PLEKHG7: variants seen among roughly 807,000 people sequenced by gnomAD.
The protein encoded by PLEKHG7 is pleckstrin homology domain-containing family G member 7.
Under a neutral mutation model 85.2 loss-of-function variants are expected in PLEKHG7, and 77 were observed. The observed-to-expected ratio is 0.90, with a 90% confidence interval of 0.75 to 1.09. The LOEUF is 1.09. PLEKHG7 is among the 50% of genes least tolerant of loss of function. The pLI is 0.00. For synonymous variants in PLEKHG7, 301 were observed against 302.4 expected (o/e 1.00, Z 0.05); for missense variants, 777 against 804.3 (o/e 0.97, Z 0.41).
chr12:92,704,334 T>G (rs1364858766), intron 1 of PLEKHG7, among the ~76,000 whole-genome samples: 1 of 152,158 alleles, frequency 6.6e-6, no homozygotes, highest in African/African-American at 2.4e-5. Context: ...GTTGGGAGAA[T>G]GAGGAACTGG....
chr12:92,751,777 C>T (rs1872696959), intron 10 of PLEKHG7, among the ~76,000 whole-genome samples: 1 of 152,062 alleles, frequency 6.6e-6, no homozygotes, highest in South Asian at 2.1e-4. Flanking sequence ...AATCCCAGCA[C>T]TTTGGGAGGT....
rs1233480943 is a variant in PLEKHG7, at chr12:92,706,850, C to G, written c.219C>G (p.Ser73Arg). 2 of 1,613,900 alleles carry G rather than the reference C, an allele frequency of 1.2e-6. No homozygotes were observed. The highest frequency in any genetic ancestry group is 4.5e-5 in the East Asian group (2 of 44,884). Residue 73 changes from serine to arginine, a missense_variant, in exon 2 of 17, where the codon AGC becomes AGG. Ser to Arg is a moderately radical substitution (Grantham distance 110). Coordinates refer to ENST00000344636, the MANE Select transcript of PLEKHG7 (RefSeq NM_001377329.1). ...CCTGGCAGGTGACCACCTGGGGAAG[C>G]TGGGGAGCTCCTGTGGGCTTCCCAT... ...QDAWQVTTWG[S>R]WGAPVGFPCY...
At chr12:92,761,641 A>AGGAAGAAAGAAC in intron 13 of PLEKHG7, 111 bp from the exon 14 acceptor site, 1 of 759,128 alleles carries the variant, frequency 1.3e-6, no homozygotes, top group Non-Finnish European at 1.8e-6. Context: ...AAAGAAAGAA[A>AGGAAGAAAGAAC]GAAAGAAAGA....
intron 3 of PLEKHG7, among the ~76,000 whole-genome samples, chr12:92,720,212 G>A (rs529992059): frequency 2.0e-5 from 3 of 152,256 alleles, no homozygotes; most frequent in South Asian, 2.1e-4. Flanking sequence ...GAGGACTTTC[G>A]CTTGCTTTTT....
At chr12:92,748,864 A>G (rs1364368875) in intron 10 of PLEKHG7, among the ~76,000 whole-genome samples, 1 of 152,254 alleles carries the variant, frequency 6.6e-6, no homozygotes, top group Non-Finnish European at 1.5e-5. Context: ...CAGATACCCA[A>G]GGTGACTAGT....
chr12:92,755,220 C>A lies in PLEKHG7; in HGVS notation c.1427-605C>A, dbSNP rs190727345. Among the ~76,000 whole-genome samples the A allele has an allele frequency of 6.9e-4, 105 of 152,260 alleles. 1 individual carries two copies. Among genetic ancestry groups the A allele is most frequent in the African/African-American group, 2.4e-3 (101 of 41,560 alleles). On this transcript the variant is annotated intron_variant, in intron 11 of 16. Transcript: ENST00000344636. ...GAGGGAAGAGATTTGTGTGGCCTCC[C>A]TTTATGTCTATTACCTTAAAGATGG...
At chr12:92,751,959 G>A (rs1872702957) in intron 10 of PLEKHG7, among the ~76,000 whole-genome samples, 2 of 151,872 alleles carry the variant, frequency 1.3e-5, no homozygotes, top group Admixed American at 1.3e-4. Flanking sequence ...CAAGGCTGCA[G>A]TGAGCCATGA....
At chr12:92,749,882 T>TTTA (rs1872637075) in intron 10 of PLEKHG7, among the ~76,000 whole-genome samples, 1 of 143,316 alleles carries the variant, frequency 7.0e-6, no homozygotes, top group South Asian at 2.1e-4. Context: ...TTTATTTTAT[T>TTTA]TTTTATTTTA....
intron 15 of PLEKHG7, among the ~76,000 whole-genome samples, chr12:92,768,619 ATT>A (rs1475268028): frequency 3.9e-5 from 6 of 152,132 alleles, no homozygotes; most frequent in South Asian, 4.1e-4. Context: ...AAAATATTAT[ATT>A]GTTTTGTATA....
In PLEKHG7 at chr12:92,737,532, G is replaced by A. The variant is rs201069382; in HGVS notation, c.939+11G>A. On this transcript the variant is annotated intron_variant, in intron 7 of 16. Coordinates refer to ENST00000344636, the MANE Select transcript of PLEKHG7 (RefSeq NM_001377329.1). ...TTAGTTCTTAAGATGGTAATGCCAG[G>A]CTTAATTTTTGTAGTAGATGGAAAA... The A allele has an allele frequency of 6.2e-7, 1 of 1,605,412 alleles. No individual in the cohort carries two copies. Among genetic ancestry groups the A allele is most frequent in the Non-Finnish European group, 8.5e-7 (1 of 1,177,826 alleles).
intron 3 of PLEKHG7, among the ~76,000 whole-genome samples, chr12:92,725,407 AT>A (rs979577972): frequency 9.8e-5 from 15 of 152,286 alleles, no homozygotes; most frequent in African/African-American, 3.4e-4. Context: ...TCAGACTTAA[AT>A]TTTAGATAAC....
intron 16 of PLEKHG7, 56 bp downstream of exon 16, chr12:92,769,136 C>G (rs990937861): frequency 2.8e-5 from 36 of 1,302,412 alleles, no homozygotes; most frequent in East Asian, 1.2e-4. Flanking sequence ...TAAGCTCCCC[C>G]CAAGTGTCTT....
chr12:92,718,931 C>G (rs988809659), intron 3 of PLEKHG7, among the ~76,000 whole-genome samples: 1 of 152,188 alleles, frequency 6.6e-6, no homozygotes, highest in Non-Finnish European at 1.5e-5. Flanking sequence ...AGAGGCATCT[C>G]TGTTCTGTGT....
chr12:92,723,773 T>C (rs1871712499), intron 3 of PLEKHG7, among the ~76,000 whole-genome samples: 1 of 152,090 alleles, frequency 6.6e-6, no homozygotes, highest in African/African-American at 2.4e-5. Flanking sequence ...TATAGAAGCA[T>C]GGAACAGAAA....
At chr12:92,756,858 G>A (rs1181793055) in intron 13 of PLEKHG7, among the ~76,000 whole-genome samples, 1 of 152,126 alleles carries the variant, frequency 6.6e-6, no homozygotes, top group Non-Finnish European at 1.5e-5. Context: ...CCTCTAGTTG[G>A]GAAGCTCTGC....
intron 10 of PLEKHG7, among the ~76,000 whole-genome samples, chr12:92,751,442 T>C (rs1565794919): frequency 6.6e-6 from 1 of 152,206 alleles, no homozygotes; most frequent in East Asian, 1.9e-4. Flanking sequence ...CTTGGCTCAC[T>C]GCAACCTCTG....
rs1426954309 is a variant in PLEKHG7, at chr12:92,761,806, T to C, written c.1691T>C (p.Val564Ala). 1 of 1,578,270 alleles carries C rather than the reference T, an allele frequency of 6.3e-7. No homozygotes were observed. The highest frequency in any genetic ancestry group is 8.6e-7 in the Non-Finnish European group (1 of 1,167,780). ...TTTCTCTTCAATGATTTCCTCTTAG[T>C]TACGAAAACTAAGTGCAACAAAAAG... The part of the protein sequence containing the change: ...YLFLFNDFLL[V>A]TKTKCNKKKL... Residue 564 changes from valine to alanine, a missense_variant, in exon 14 of 17, where the codon GTT becomes GCT. Coordinates refer to ENST00000344636, the MANE Select transcript of PLEKHG7 (RefSeq NM_001377329.1).
intron 13 of PLEKHG7, among the ~76,000 whole-genome samples, chr12:92,758,639 C>G (rs1019113729): frequency 2.6e-5 from 4 of 152,234 alleles, no homozygotes; most frequent in Non-Finnish European, 4.4e-5. Flanking sequence ...CCAGAAAATG[C>G]TTCTTGTACA....
Position 92,741,057 on chromosome 12 carries a change from T to C in PLEKHG7, c.1035+109T>C, listed in dbSNP as rs138401512. 268 of 705,700 alleles carry C rather than the reference T, an allele frequency of 3.8e-4. 2 individuals carry two copies. In the African/African-American group the frequency reaches 4.5e-3, roughly 12 times the overall value. 43.7% of individuals were successfully genotyped at this position (705,700 alleles called of 1,614,324 possible). A position where few individuals can be genotyped will look rare whatever the true frequency, so the allele number is the denominator to read the frequency against. On this transcript the variant is annotated intron_variant, in intron 8 of 16. Transcript: ENST00000344636. ...TGCCATAATACATCTCCATATTCCA[T>C]TCCCAGTCAGGACTTCAGGTTAATA...
Sources: gnomAD v4.1 joint callset for allele counts (sites outside exome capture counted in the v4.1 genomes callset) on GRCh38, gnomAD v4.1.1 for gene constraint, MANE v1.5 for transcripts, NCBI Gene and HGNC (gene_info 2026-07-23, HGNC 2026-07-21) for gene names.